The following VNN1 variants were observed in gnomAD, a reference collection of about 807,000 sequenced individuals.
The protein encoded by VNN1 is pantetheinase.
In VNN1, 29 loss-of-function variants were observed where a neutral mutation model predicts 41.9. The observed-to-expected ratio is 0.69, with a 90% CI of 0.52 to 0.94. The LOEUF is 0.94. Among genes scored for constraint, VNN1 ranks in the 40% least tolerant of loss-of-function variants. The pLI, the probability that VNN1 is intolerant of heterozygous loss-of-function variation, is 0.00. For synonymous variants in VNN1, 233 were observed against 224.4 expected (o/e 1.04, Z -0.34); for missense variants, 637 against 621.1 (o/e 1.03, Z -0.27).
chr6:132,708,683 G>A lies in VNN1; in HGVS notation c.341+3026C>T, dbSNP rs80057217. Among the ~76,000 whole-genome samples, 634 of 152,098 alleles carry A rather than the reference G, an allele frequency of 4.2e-3. 7 individuals carry two copies. The highest frequency in any genetic ancestry group is 0.014 in the African/African-American group (578 of 41,478). ...CCAGTGCTACTTTCAAACTTTATTC[G>A]GAATCTGTCCACTTCTCAATACCTA... On this transcript the variant is annotated intron_variant, in intron 2 of 6. Transcript: ENST00000367928.
In VNN1 at chr6:132,694,001, G is replaced by A. The variant is rs763783408; in HGVS notation, c.523C>T (p.Arg175Cys). The A allele has an allele frequency of 2.6e-5, 42 of 1,613,936 alleles. No individual in the cohort carries two copies. Among genetic ancestry groups the A allele is most frequent in the East Asian group, 4.5e-5 (2 of 44,890 alleles). ...CAAATTAATTTTACCTTATGGTAGC[G>A]TGCCACCAGTTTTCCTTGAGAATCA... Reference protein sequence around the residue: ...VFDSQGKLVARYHKQNLFMGE... With the variant: ...VFDSQGKLVACYHKQNLFMGE... The change falls in exon 3 of 7, where the codon CGC becomes TGC. Residue 175 changes from arginine (R) to cysteine (C), a missense_variant. Arg to Cys is a radical substitution (Grantham distance 180). Coordinates refer to ENST00000367928, the MANE Select transcript of VNN1 (RefSeq NM_004666.3).
chr6:132,704,333 T>TA (rs999207155), intron 2 of VNN1, among the ~76,000 whole-genome samples: 2 of 151,800 alleles, frequency 1.3e-5, no homozygotes, highest in Non-Finnish European at 2.9e-5. Flanking sequence ...CTTAAAACAT[T>TA]AAAAAAAATT....
Position 132,692,386 on chromosome 6 carries a change from A to T in VNN1, c.1025T>A (p.Phe342Tyr). The stretch of plus-strand genomic sequence containing the variant: ...AACTCCTGTGAGCTTCACAAAAGTG[A>T]ATTCATCGAAAAAGACAGTGCCTTT... ...EFKGTVFFDE[F>Y]TFVKLTGVAG... is the part of the protein sequence containing the mutation. The change falls in exon 5 of 7, where the codon TTC becomes TAC. Residue 342 changes from phenylalanine (F) to tyrosine (Y), a missense_variant. Physicochemically the swap from Phe to Tyr is conservative, Grantham distance 22. Coordinates refer to ENST00000367928, the MANE Select transcript of VNN1 (RefSeq NM_004666.3). 1 of 1,614,240 alleles carries T rather than the reference A, an allele frequency of 6.2e-7. No homozygotes were observed. The highest frequency in any genetic ancestry group is 8.5e-7 in the Non-Finnish European group (1 of 1,180,038).
chr6:132,705,428 GT>G (rs557896011), intron 2 of VNN1, among the ~76,000 whole-genome samples: 141 of 152,112 alleles, frequency 9.3e-4, no homozygotes, highest in South Asian at 6.2e-3. Context: ...AAACCAAATG[GT>G]CATTTCAATT....
chr6:132,694,220 A>G (rs1778335243), intron 2 of VNN1, 38 bp from the exon 3 acceptor site: 1 of 1,527,546 alleles, frequency 6.5e-7, no homozygotes, highest in African/African-American at 1.4e-5. Flanking sequence ...ATCTTTGTAA[A>G]TCAATCTTAA....
intron 2 of VNN1, among the ~76,000 whole-genome samples, chr6:132,707,795 G>A (rs1278554658): frequency 6.6e-6 from 1 of 152,180 alleles, no homozygotes; most frequent in African/African-American, 2.4e-5. Context: ...GGGGAGGAGT[G>A]GGGAGAAAGT....
At chr6:132,705,174 A>G (rs1459709451) in intron 2 of VNN1, among the ~76,000 whole-genome samples, 2 of 150,600 alleles carry the variant, frequency 1.3e-5, no homozygotes, top group East Asian at 2.0e-4. Flanking sequence ...AACTCATTCA[A>G]TGAGGCTAGT....
chr6:132,698,102 T>C (rs1279956465), intron 2 of VNN1, among the ~76,000 whole-genome samples: 1 of 152,204 alleles, frequency 6.6e-6, no homozygotes, highest in Non-Finnish European at 1.5e-5. Flanking sequence ...ATGTCCTAAT[T>C]TAGGGTTTAA....
chr6:132,703,328 C>A (rs1778474535), intron 2 of VNN1, among the ~76,000 whole-genome samples: 1 of 151,768 alleles, frequency 6.6e-6, no homozygotes, highest in Non-Finnish European at 1.5e-5. Flanking sequence ...ATGAACCAAT[C>A]AAAAATAATA....
In VNN1 at chr6:132,692,373, C is replaced by A; in HGVS notation, c.1038G>T (p.Lys346Asn). 6.2e-7 allele frequency: 1 copy of A among 1,614,180 alleles called. No homozygotes were observed. The highest frequency in any genetic ancestry group is 8.5e-7 in the Non-Finnish European group (1 of 1,180,030). Residue 346 changes from lysine to asparagine, a missense_variant, in exon 5 of 7, where the codon AAG (lysine) becomes AAT (asparagine). By Grantham distance (94) the Lys-to-Asn change is moderately conservative. Coordinates refer to ENST00000367928, the MANE Select transcript of VNN1 (RefSeq NM_004666.3). ...TVFFDEFTFV[K>N]LTGVAGNYTV... ...TATAATTTCCTGCAACTCCTGTGAGCTTCACAAAAGTGAATTCATCGAAAA... is the reference window on the plus strand; with the variant it reads ...TATAATTTCCTGCAACTCCTGTGAGATTCACAAAAGTGAATTCATCGAAAA...
At chr6:132,688,236 C>CTTGA (rs1490997196) in intron 5 of VNN1, among the ~76,000 whole-genome samples, 7 of 152,106 alleles carry the variant, frequency 4.6e-5, no homozygotes, top group Non-Finnish European at 1.0e-4. Context: ...AAGGCTATAA[C>CTTGA]ATTTTTATTC....
At position 132,713,946 on chromosome 6, in the gene VNN1, A is replaced by G. The variant is rs763065283; in HGVS notation, c.90T>C (p.Tyr30=). The G allele has an allele frequency of 1.2e-6, 2 of 1,614,182 alleles. No individual in the cohort carries two copies. Among genetic ancestry groups the G allele is most frequent in the Non-Finnish European group, 1.7e-6 (2 of 1,180,026 alleles). Reference sequence around the variant, plus strand: ...CATTGGGCAATATCGCTGCATGCTCATAAACAGCTGCAGTGAAAGTGTCCT... The same window carrying G: ...CATTGGGCAATATCGCTGCATGCTCGTAAACAGCTGCAGTGAAAGTGTCCT... ...SCQDTFTAAV[Y]EHAAILPNAT... The change falls in exon 1 of 7, where the codon TAT becomes TAC. Residue 30 remains tyrosine, a synonymous_variant. Coordinates refer to ENST00000367928, the MANE Select transcript of VNN1 (RefSeq NM_004666.3).
chr6:132,704,202 C>T (rs1778487861), intron 2 of VNN1, among the ~76,000 whole-genome samples: 1 of 151,954 alleles, frequency 6.6e-6, no homozygotes, highest in Admixed American at 6.6e-5. Flanking sequence ...GCATTACAGA[C>T]CAAGTGGGCT....
At chr6:132,695,900 G>A (rs1166906603) in intron 2 of VNN1, among the ~76,000 whole-genome samples, 3 of 152,072 alleles carry the variant, frequency 2.0e-5, no homozygotes, top group Non-Finnish European at 2.9e-5. Flanking sequence ...GAGTAACCAT[G>A]TGATAAGATT....
chr6:132,693,959 A>C lies in VNN1; in HGVS notation c.534+31T>G, dbSNP rs565711486. The C allele has an allele frequency of 4.7e-5, 76 of 1,611,780 alleles. No individual in the cohort carries two copies. In the Middle Eastern group the frequency reaches 1.1e-3, roughly 22 times the overall value. On this transcript the variant is annotated intron_variant, in intron 3 of 6. Coordinates refer to ENST00000367928, the MANE Select transcript of VNN1 (RefSeq NM_004666.3). ...GCCCACTTTATTTCATTAGGCATTAACTAATTGGATTATTTGCAAATTAAT... is the reference window on the plus strand; with the variant it reads ...GCCCACTTTATTTCATTAGGCATTACCTAATTGGATTATTTGCAAATTAAT...
chr6:132,698,605 C>T (rs1206753236), intron 2 of VNN1, among the ~76,000 whole-genome samples: 2 of 152,322 alleles, frequency 1.3e-5, no homozygotes, highest in East Asian at 1.9e-4. Context: ...TCCAAGCTGA[C>T]CCTGATGAGA....
chr6:132,682,240 C>G lies in VNN1; in HGVS notation c.*900G>C, dbSNP rs2114325135. The stretch of plus-strand genomic sequence containing the variant: ...CTATTGGAGTCTTGAGGACCCAGAC[C>G]AGCTGAATATTCTTACCAGGTAAGC... On this transcript the variant is annotated 3_prime_UTR_variant, in exon 7 of 7. Coordinates refer to ENST00000367928, the MANE Select transcript of VNN1 (RefSeq NM_004666.3). The G allele has an allele frequency of 6.6e-6, 1 of 152,240 alleles. No individual in the cohort carries two copies. The highest frequency in any genetic ancestry group is 1.9e-4 in the East Asian group (1 of 5,184). 9.4% of individuals were successfully genotyped at this position (152,240 alleles called of 1,614,324 possible). A position where few individuals can be genotyped will look rare whatever the true frequency, so the allele number is the denominator to read the frequency against.
intron 1 of VNN1, among the ~76,000 whole-genome samples, chr6:132,712,153 CT>C (rs569395584): frequency 4.5e-3 from 601 of 132,596 alleles, no homozygotes; most frequent in Middle Eastern, 7.7e-3. Context: ...TTTTTTCTCT[CT>C]TTTTTTTTTT....
rs73543007 is a variant in VNN1, at chr6:132,692,143, C to A, written c.1188+80G>T. ...GTGTGATATGCTTATACTAAAAAAT[C>A]ATTCATTATTTATCTAAACTGTATA... On this transcript the variant is annotated intron_variant, in intron 5 of 6. Coordinates refer to ENST00000367928, the MANE Select transcript of VNN1 (RefSeq NM_004666.3). The A allele has an allele frequency of 3.8e-3, 5,336 of 1,393,972 alleles. 185 individuals are homozygous for A. The African/African-American group carries it at 0.07, about 18-fold the overall frequency. The allele number at this position is 1,393,972 out of a possible 1,614,324, so 86.4% of individuals were successfully genotyped here. A position where few individuals can be genotyped will look rare whatever the true frequency, so the allele number is the denominator to read the frequency against.
Sources: gnomAD v4.1 joint callset for allele counts (sites outside exome capture counted in the v4.1 genomes callset) on GRCh38, gnomAD v4.1.1 for gene constraint, MANE v1.5 for transcripts, NCBI Gene and HGNC (gene_info 2026-07-23, HGNC 2026-07-21) for gene names.